Variants in CNTNAP5 observed in about 807,000 individuals in gnomAD.
CNTNAP5 encodes the protein contactin associated protein family member 5.
Under a neutral mutation model 150.2 loss-of-function variants are expected in CNTNAP5, and 72 were observed. The observed-to-expected ratio is 0.48, with a 90% CI of 0.40 to 0.58. The LOEUF (loss-of-function observed/expected upper bound fraction) is 0.58, where lower values mean the gene tolerates loss of function less well. CNTNAP5 is among the 20% of genes least tolerant of loss of function. The probability of loss-of-function intolerance (pLI) is 0.00; values close to 1 mark genes in which losing one functional copy is unlikely to be tolerated. For missense variants in CNTNAP5, 1,636 were observed against 1,626.2 expected, an observed-to-expected ratio of 1.01 and a Z score of -0.10; for synonymous variants, 672 against 619.8, an observed-to-expected ratio of 1.08 and a Z score of -1.25.
At chr2:124,371,534 G>C (rs1690526084) in intron 3 of CNTNAP5, among the ~76,000 whole-genome samples, 1 of 152,054 alleles carries the variant, frequency 6.6e-6, no homozygotes, top group Non-Finnish European at 1.5e-5. Context: ...TCAACTGCAG[G>C]ATTTCTTATA....
chr2:124,258,863 C>CT (rs35963035), intron 3 of CNTNAP5, among the ~76,000 whole-genome samples: 51,257 of 148,744 alleles, frequency 0.34, 9,031 homozygotes, highest in South Asian at 0.51. Context: ...TCCAGTAATA[C>CT]TTTTTTTTTT....
At position 124,546,281 on chromosome 2, in the gene CNTNAP5, TG is replaced by T. The variant is rs374345576; in HGVS notation, c.1650-16935del. On this transcript the variant is annotated intron_variant, in intron 10 of 23. Coordinates refer to ENST00000682447, the MANE Select transcript of CNTNAP5 (RefSeq NM_001367498.1). ...GTTCTGCCTAATGTTAATGGTAGTC[TG>T]TGGAAAATGTTTTCTTTGTTCAAAT... 2.6e-3 allele frequency among the ~76,000 whole-genome samples: 400 copies of T among 152,304 alleles called. 1 individual carries two copies. Among genetic ancestry groups the T allele is most frequent in the Non-Finnish European group, 4.8e-3 (326 of 68,006 alleles).
In CNTNAP5 at chr2:124,323,485, C is replaced by T. The variant is rs150750568; in HGVS notation, c.381+81092C>T. Among the ~76,000 whole-genome samples, 671 of 152,276 alleles carry T rather than the reference C, an allele frequency of 4.4e-3. 5 individuals are homozygous for T. Among genetic ancestry groups the T allele is most frequent in the Non-Finnish European group, 7.7e-3 (521 of 68,022 alleles). ...TGAAGCTGTGCAAGGGAATCAAGTG[C>T]AGCAAATAAGTCAGGGGCAGAGGTT... On this transcript the variant is annotated intron_variant, in intron 3 of 23. Transcript: ENST00000682447.
In CNTNAP5 at chr2:124,740,932, C is replaced by G. The variant is rs547898624; in HGVS notation, c.2078-6297C>G. Among the ~76,000 whole-genome samples, 18 of 152,238 alleles carry G rather than the reference C, an allele frequency of 1.2e-4. No individual in the cohort carries two copies. In the East Asian group the frequency reaches 3.5e-3, roughly 30 times the overall value. On this transcript the variant is annotated intron_variant, in intron 13 of 23. Coordinates refer to ENST00000682447, the MANE Select transcript of CNTNAP5 (RefSeq NM_001367498.1). The stretch of plus-strand genomic sequence containing the variant: ...TCTTGAGGTCTACACTGGAACTGAA[C>G]CATCATCATTTCTGCACACATTCCA...
chr2:124,763,981 C>T lies in CNTNAP5; in HGVS notation c.2367C>T (p.Arg789=), dbSNP rs555836426. 1.3e-4 allele frequency: 217 copies of T among 1,611,160 alleles called. 1 individual carries two copies. In the South Asian group the frequency reaches 2.3e-3, roughly 17 times the overall value. Residue 789 remains arginine, a synonymous_variant, in exon 16 of 24, where the codon CGC becomes CGT. Coordinates refer to ENST00000682447, the MANE Select transcript of CNTNAP5 (RefSeq NM_001367498.1). The part of the protein sequence containing the change: ...IGPLRCYGDR[R]FWNAVSFYTE... ...GAAGGATTTTCTCATTTGCAGGACG[C>T]TTCTGGAACGCCGTCTCATTTTATA...
intron 3 of CNTNAP5, among the ~76,000 whole-genome samples, chr2:124,375,810 T>C (rs1317440266): frequency 6.6e-6 from 1 of 152,062 alleles, no homozygotes; most frequent in Non-Finnish European, 1.5e-5. Flanking sequence ...ACTACATCAT[T>C]CCAGATTAAT....
intron 17 of CNTNAP5, among the ~76,000 whole-genome samples, chr2:124,774,696 T>G (rs1013248285): frequency 1.3e-5 from 2 of 152,240 alleles, no homozygotes; most frequent in African/African-American, 2.4e-5. Flanking sequence ...ACAATTTTCA[T>G]AAATTATATT....
intron 7 of CNTNAP5, among the ~76,000 whole-genome samples, chr2:124,492,445 T>C (rs547576489): frequency 6.6e-6 from 1 of 152,326 alleles, no homozygotes; most frequent in East Asian, 1.9e-4. Flanking sequence ...TGTGTCTGTT[T>C]GTATGCCAGC....
chr2:124,337,887 G>A (rs1240580779), intron 3 of CNTNAP5, among the ~76,000 whole-genome samples: 1 of 152,110 alleles, frequency 6.6e-6, no homozygotes, highest in Non-Finnish European at 1.5e-5. Context: ...GAACTTTAAA[G>A]TAGTTTTTTC....
intron 10 of CNTNAP5, among the ~76,000 whole-genome samples, chr2:124,530,240 A>G (rs1412700219): frequency 6.6e-6 from 1 of 152,090 alleles, no homozygotes; most frequent in Non-Finnish European, 1.5e-5. Context: ...AACCCAGGAG[A>G]TGGAGGTTGC....
intron 11 of CNTNAP5, among the ~76,000 whole-genome samples, chr2:124,577,798 A>G (rs1573471087): frequency 6.6e-6 from 1 of 152,162 alleles, no homozygotes; most frequent in African/African-American, 2.4e-5. Context: ...TGGGATCTGC[A>G]CAGACAGAGA....
At chr2:124,072,918 G>A (rs1682343969) in intron 1 of CNTNAP5, among the ~76,000 whole-genome samples, 1 of 151,834 alleles carries the variant, frequency 6.6e-6, no homozygotes, top group African/African-American at 2.4e-5. Context: ...TCAGCAAAAA[G>A]AACAAAACTG....
intron 3 of CNTNAP5, among the ~76,000 whole-genome samples, chr2:124,400,903 G>C (rs896156718): frequency 6.6e-6 from 1 of 151,434 alleles, no homozygotes; most frequent in East Asian, 1.9e-4. Context: ...ACCGAGTCTC[G>C]CTCTGTTGCC....
chr2:124,696,310 C>T (rs1679406418), intron 13 of CNTNAP5, among the ~76,000 whole-genome samples: 1 of 152,134 alleles, frequency 6.6e-6, no homozygotes, highest in Non-Finnish European at 1.5e-5. Context: ...TTTCTGCTTT[C>T]CCTTATGCCT....
intron 1 of CNTNAP5, among the ~76,000 whole-genome samples, chr2:124,124,959 A>T (rs1683651633): frequency 1.3e-5 from 2 of 152,248 alleles, no homozygotes; most frequent in Non-Finnish European, 2.9e-5. Context: ...CTGCAAAAAC[A>T]TGCCAAATTG....
intron 19 of CNTNAP5, among the ~76,000 whole-genome samples, chr2:124,851,002 A>T (rs528830853): frequency 3.3e-5 from 5 of 152,350 alleles, no homozygotes; most frequent in African/African-American, 9.6e-5. Context: ...TAGAGAAAGT[A>T]TAGATAACGC....
intron 13 of CNTNAP5, among the ~76,000 whole-genome samples, chr2:124,707,150 GAA>G (rs1558743787): frequency 2.3e-5 from 1 of 43,452 alleles, no homozygotes; most frequent in Non-Finnish European, 5.3e-5. Context: ...GGAAGAAGAA[GAA>G]GAAGAAGAAG....
chr2:124,472,726 A>T (rs1693545010), intron 6 of CNTNAP5, among the ~76,000 whole-genome samples: 1 of 151,894 alleles, frequency 6.6e-6, no homozygotes, highest in Admixed American at 6.6e-5. Context: ...ATACTATATT[A>T]TAGTCTATTA....
At chr2:124,312,525 C>G (rs1403016930) in intron 3 of CNTNAP5, among the ~76,000 whole-genome samples, 4 of 151,842 alleles carry the variant, frequency 2.6e-5, no homozygotes, top group Non-Finnish European at 5.9e-5. Context: ...CCACCACACC[C>G]AACTAATTTT....
Sources: allele counts gnomAD v4.1 joint callset (sites outside exome capture counted in the v4.1 genomes callset), GRCh38; gene constraint gnomAD v4.1.1; transcripts MANE v1.5; gene names NCBI Gene and HGNC (gene_info 2026-07-23, HGNC 2026-07-21).